The following TNFSF4 variants were observed in gnomAD, a reference collection of about 807,000 sequenced individuals.
The protein encoded by TNFSF4 is TNF superfamily member 4, also known as tumor necrosis factor ligand superfamily member 4.
Under a neutral mutation model 7.3 loss-of-function variants are expected in TNFSF4, and 4 were observed. The observed-to-expected ratio is 0.55, with a 90% CI of 0.27 to 1.25. TNFSF4 has a LOEUF of 1.25. Among genes scored for constraint, TNFSF4 ranks in the 50% most tolerant of loss-of-function variants. The pLI, the probability that TNFSF4 is intolerant of heterozygous loss-of-function variation, is 0.12. For missense variants in TNFSF4, 181 were observed against 208.8 expected (o/e 0.87, Z 0.82); for synonymous variants, 76 against 83.7 (o/e 0.91, Z 0.50).
upstream of TNFSF4, among the ~76,000 whole-genome samples, chr1:173,208,192 A>G (rs776320083): frequency 2.6e-4 from 40 of 152,244 alleles, no homozygotes; most frequent in Non-Finnish European, 4.6e-4. Context: ...GAAATAAATG[A>G]TAAAATTACT....
chr1:173,375,897 C>T, the TNFSF4 span, among the ~76,000 whole-genome samples: 1 of 152,080 alleles, frequency 6.6e-6, no homozygotes, highest in Non-Finnish European at 1.5e-5. Flanking sequence ...AGAGCTGTAA[C>T]ACTCACCGCA....
At chr1:173,382,687 C>A in the TNFSF4 span, among the ~76,000 whole-genome samples, 1 of 152,138 alleles carries the variant, frequency 6.6e-6, no homozygotes, top group African/African-American at 2.4e-5. Context: ...GATTCCTATT[C>A]TTTTTCACAA....
the TNFSF4 span, among the ~76,000 whole-genome samples, chr1:173,258,590 G>A: frequency 6.6e-6 from 1 of 152,198 alleles, no homozygotes; most frequent in Admixed American, 6.5e-5. Context: ...CAGCAGTTTG[G>A]AAACTGCCTA....
chr1:173,409,339 G>T, the TNFSF4 span, among the ~76,000 whole-genome samples: 1 of 152,140 alleles, frequency 6.6e-6, no homozygotes, highest in African/African-American at 2.4e-5. Flanking sequence ...GGGGAAACTG[G>T]AATGGTGTCT....
the TNFSF4 span, among the ~76,000 whole-genome samples, chr1:173,414,482 C>A: frequency 6.6e-6 from 1 of 152,162 alleles, no homozygotes; most frequent in Non-Finnish European, 1.5e-5. Context: ...CAATCTGTAA[C>A]AAGTATTGTC....
the TNFSF4 span, among the ~76,000 whole-genome samples, chr1:173,305,630 A>G: frequency 6.6e-6 from 1 of 151,184 alleles, no homozygotes; most frequent in Admixed American, 6.6e-5. Context: ...TAATTCACTT[A>G]CCCTTTGTAT....
chr1:173,279,714 A>C, the TNFSF4 span, among the ~76,000 whole-genome samples: 1 of 152,074 alleles, frequency 6.6e-6, no homozygotes, highest in Non-Finnish European at 1.5e-5. Flanking sequence ...TTAACCATGA[A>C]TCTAGATAAA....
the TNFSF4 span, among the ~76,000 whole-genome samples, chr1:173,243,002 G>GGC: frequency 5.2e-3 from 408 of 78,820 alleles, 38 homozygotes; most frequent in East Asian, 0.028. Flanking sequence ...GAAGTTGGTG[G>GGC]GTGGGGGGGG....
chr1:173,323,281 G>T, the TNFSF4 span, among the ~76,000 whole-genome samples: 1 of 152,220 alleles, frequency 6.6e-6, no homozygotes, highest in African/African-American at 2.4e-5. Flanking sequence ...AACAGGGTCT[G>T]GAGTGGACCT....
At chr1:173,237,998 C>T in the TNFSF4 span, among the ~76,000 whole-genome samples, 1 of 152,184 alleles carries the variant, frequency 6.6e-6, no homozygotes, top group Admixed American at 6.5e-5. Context: ...CATTGCCCAA[C>T]TTCAAACTGT....
intron 1 of TNFSF4, among the ~76,000 whole-genome samples, chr1:173,194,000 C>G (rs756049934): frequency 1.9e-4 from 29 of 152,196 alleles, no homozygotes; most frequent in Non-Finnish European, 3.7e-4. Flanking sequence ...CACAAAGACT[C>G]TAATTCAAAA....
the TNFSF4 span, among the ~76,000 whole-genome samples, chr1:173,357,762 C>G: frequency 6.6e-6 from 1 of 152,012 alleles, no homozygotes. Flanking sequence ...CTCAAACTCC[C>G]GACCTCAGGT....
At chr1:173,199,891 C>T (rs941266985) in intron 1 of TNFSF4, among the ~76,000 whole-genome samples, 5 of 152,094 alleles carry the variant, frequency 3.3e-5, no homozygotes, top group Admixed American at 3.3e-4. Flanking sequence ...GAATAAATTA[C>T]TGAATTAGTA....
the TNFSF4 span, among the ~76,000 whole-genome samples, chr1:173,238,629 A>C: frequency 6.6e-6 from 1 of 151,320 alleles, no homozygotes; most frequent in Non-Finnish European, 1.5e-5. Context: ...GAAGACATAC[A>C]TGCGGCCAAC....
chr1:173,400,316 T>C, the TNFSF4 span, among the ~76,000 whole-genome samples: 2 of 152,180 alleles, frequency 1.3e-5, no homozygotes, highest in Admixed American at 6.5e-5. Flanking sequence ...GAAAACTATA[T>C]ATGCTCTGAA....
At chr1:173,192,423 G>A (rs1324945560) in intron 1 of TNFSF4, among the ~76,000 whole-genome samples, 1 of 152,040 alleles carries the variant, frequency 6.6e-6, no homozygotes, top group Non-Finnish European at 1.5e-5. Flanking sequence ...AGACATGGAG[G>A]AATATTAAAT....
At chr1:173,295,139 G>A in the TNFSF4 span, among the ~76,000 whole-genome samples, 2 of 151,954 alleles carry the variant, frequency 1.3e-5, no homozygotes, top group African/African-American at 4.8e-5. Flanking sequence ...ACTGCTGGTG[G>A]AAGCTGAAAA....
chr1:173,417,892 T>C, the TNFSF4 span: 4 of 151,916 alleles, frequency 2.6e-5, no homozygotes, highest in Admixed American at 2.6e-4. Flanking sequence ...ATGAGGTGTA[T>C]TACCTTTTTA....
rs1649205225 is a variant in TNFSF4, at chr1:173,185,940, G to A, written c.*576C>T. ...CTCTTCAAGTCCTGATTTTTCACAA[G>A]CTGATTCTTCTTTTGAACCCCCACC... On this transcript the variant is annotated 3_prime_UTR_variant, in exon 3 of 3. Coordinates refer to ENST00000281834, the MANE Select transcript of TNFSF4 (RefSeq NM_003326.5). 6.6e-6 allele frequency: 1 copy of A among 152,240 alleles called. No individual in the cohort carries two copies. The highest frequency in any genetic ancestry group is 6.5e-5 in the Admixed American group (1 of 15,276). 9.4% of individuals were successfully genotyped at this position (152,240 alleles called of 1,614,324 possible).
Sources: allele counts gnomAD v4.1 joint callset (sites outside exome capture counted in the v4.1 genomes callset), GRCh38; gene constraint gnomAD v4.1.1; transcripts MANE v1.5; gene names NCBI Gene and HGNC (gene_info 2026-07-23, HGNC 2026-07-21).